CSMD1: variants seen among roughly 807,000 people sequenced by gnomAD.
The protein encoded by CSMD1 is CUB and Sushi multiple domains 1.
CSMD1 carries 213 observed loss-of-function variants against 417.5 expected under a neutral mutation model. The observed-to-expected ratio is 0.51, with a 90% confidence interval of 0.46 to 0.57. The LOEUF (loss-of-function observed/expected upper bound fraction) is 0.57. Ranked by LOEUF, CSMD1 falls within the 20% of genes least tolerant of loss-of-function variation. CSMD1 has a pLI of 0.00. For missense variants in CSMD1, 6,923 were observed against 4,529.7 expected (o/e 1.53, Z -15.17); for synonymous variants, 2,862 against 1,736.8 (o/e 1.65, Z -16.11).
At chr8:3,111,119 G>A (rs1816488225) in intron 42 of CSMD1, among the ~76,000 whole-genome samples, 1 of 152,150 alleles carries the variant, frequency 6.6e-6, no homozygotes, top group South Asian at 2.1e-4. Context: ...TGAGATGAGT[G>A]TTCACAACTC....
At chr8:4,238,001 C>T (rs898193745) in intron 3 of CSMD1, among the ~76,000 whole-genome samples, 1 of 152,152 alleles carries the variant, frequency 6.6e-6, no homozygotes, top group African/African-American at 2.4e-5. Context: ...CACAGGCCTA[C>T]TGGGCGGGAC....
intron 2 of CSMD1, among the ~76,000 whole-genome samples, chr8:4,531,461 C>T (rs957573707): frequency 2.6e-5 from 4 of 152,120 alleles, no homozygotes; most frequent in Admixed American, 2.6e-4. Flanking sequence ...CTGACAATAT[C>T]TATGTGGCTT....
intron 18 of CSMD1, 21 bp downstream of exon 18, chr8:3,387,473 G>A: frequency 1.3e-6 from 2 of 1,574,360 alleles, no homozygotes; most frequent in Non-Finnish European, 1.7e-6. Flanking sequence ...CTGGTGCATT[G>A]CCTCACTGAG....
intron 41 of CSMD1, among the ~76,000 whole-genome samples, chr8:3,133,165 G>C: frequency 6.6e-6 from 1 of 152,268 alleles, no homozygotes; most frequent in African/African-American, 2.4e-5. Context: ...CGACCTGGGG[G>C]AGGCCGACCT....
At chr8:4,451,498 A>G (rs1226466576) in intron 2 of CSMD1, among the ~76,000 whole-genome samples, 2 of 152,192 alleles carry the variant, frequency 1.3e-5, no homozygotes, top group Non-Finnish European at 2.9e-5. Context: ...GAGAAATATT[A>G]AACAAGTTTT....
chr8:3,930,949 C>T (rs932557383), intron 5 of CSMD1, among the ~76,000 whole-genome samples: 1 of 150,344 alleles, frequency 6.7e-6, no homozygotes, highest in African/African-American at 2.5e-5. Flanking sequence ...TCTTAAAAAC[C>T]TAAAATACAT....
intron 3 of CSMD1, among the ~76,000 whole-genome samples, chr8:4,196,746 G>C (rs1416447210): frequency 1.3e-5 from 2 of 152,144 alleles, no homozygotes; most frequent in African/African-American, 2.4e-5. Flanking sequence ...TCTATCTCAA[G>C]ACCCTTTATC....
At chr8:3,540,745 AAAG>A (rs1193034495) in intron 10 of CSMD1, among the ~76,000 whole-genome samples, 4 of 152,366 alleles carry the variant, frequency 2.6e-5, no homozygotes, top group East Asian at 3.9e-4. Context: ...ACACTTCTCA[AAAG>A]AAGACATCCA....
chr8:2,961,585 GT>G (rs1235055309), intron 61 of CSMD1, among the ~76,000 whole-genome samples: 6 of 151,808 alleles, frequency 4.0e-5, no homozygotes, highest in Non-Finnish European at 7.4e-5. Flanking sequence ...ATCTCATTTG[GT>G]TACCCATTAC....
At chr8:4,619,045 T>A (rs1036562779) in intron 2 of CSMD1, among the ~76,000 whole-genome samples, 8 of 152,332 alleles carry the variant, frequency 5.3e-5, no homozygotes, top group Admixed American at 3.3e-4. Context: ...TTTACTTCTC[T>A]GCTCAAGCAT....
At chr8:3,422,251 C>G (rs1301776813) in intron 12 of CSMD1, among the ~76,000 whole-genome samples, 1 of 152,118 alleles carries the variant, frequency 6.6e-6, no homozygotes, top group Non-Finnish European at 1.5e-5. Flanking sequence ...CACTTAGCCA[C>G]TCAGCATTCT....
At chr8:4,124,269 G>A (rs1490919560) in intron 3 of CSMD1, among the ~76,000 whole-genome samples, 1 of 152,070 alleles carries the variant, frequency 6.6e-6, no homozygotes, top group Admixed American at 6.5e-5. Flanking sequence ...AGCACTGACT[G>A]GCAAATTAAT....
chr8:4,480,333 G>C (rs1475573099), intron 2 of CSMD1, among the ~76,000 whole-genome samples: 2 of 152,142 alleles, frequency 1.3e-5, no homozygotes, highest in Non-Finnish European at 2.9e-5. Flanking sequence ...CAGCCTTTGA[G>C]AAACTGGTTC....
At chr8:4,418,804 G>A (rs952395872) in intron 3 of CSMD1, among the ~76,000 whole-genome samples, 20 of 152,138 alleles carry the variant, frequency 1.3e-4, no homozygotes, top group Admixed American at 7.2e-4. Flanking sequence ...TGATAGTAAC[G>A]TACTTAAAGG....
chr8:4,430,534 G>A (rs1652541), intron 2 of CSMD1, among the ~76,000 whole-genome samples: 6,662 of 152,152 alleles, frequency 0.044, 476 homozygotes, highest in African/African-American at 0.15. Context: ...CACTCTGATA[G>A]ACACTACTCT....
chr8:3,155,461 A>T (rs942663520), intron 39 of CSMD1, among the ~76,000 whole-genome samples: 1 of 137,798 alleles, frequency 7.3e-6, no homozygotes, highest in African/African-American at 2.8e-5. Flanking sequence ...TCCGCCTCCC[A>T]GGTTCACGCC....
At chr8:4,167,860 G>A (rs528297380) in intron 3 of CSMD1, among the ~76,000 whole-genome samples, 2 of 152,048 alleles carry the variant, frequency 1.3e-5, no homozygotes, top group Non-Finnish European at 2.9e-5. Flanking sequence ...AGACATGATG[G>A]CTTAGGCCTG....
chr8:4,332,763 T>G (rs143183434), intron 3 of CSMD1, among the ~76,000 whole-genome samples: 1 of 152,072 alleles, frequency 6.6e-6, no homozygotes, highest in Non-Finnish European at 1.5e-5. Context: ...TGTAATGGCA[T>G]GTGATGAATG....
rs779541908 is a variant in CSMD1, at chr8:3,052,425, A to T, written c.7660+37T>A. The stretch of plus-strand genomic sequence containing the variant: ...CCCGAAAGCATTCAGTTCCCACCTA[A>T]ACCCACAAAGATGGGCAGATGCCCC... On this transcript the variant is annotated intron_variant, in intron 50 of 69. Transcript: ENST00000635120. 28 of 1,524,274 alleles carry T rather than the reference A, an allele frequency of 1.8e-5. No individual in the cohort carries two copies. In the Middle Eastern group the frequency reaches 7.0e-4, roughly 38 times the overall value. The allele number at this position is 1,524,274 out of a possible 1,614,324, so 94.4% of individuals were successfully genotyped here.
Sources: gnomAD v4.1 joint callset for allele counts (sites outside exome capture counted in the v4.1 genomes callset) on GRCh38, gnomAD v4.1.1 for gene constraint, MANE v1.5 for transcripts, NCBI Gene and HGNC (gene_info 2026-07-23, HGNC 2026-07-21) for gene names.